Variants in PEX14 observed in about 807,000 individuals in gnomAD.
The protein encoded by PEX14 is peroxisomal biogenesis factor 14.
A neutral mutation model predicts 49.5 loss-of-function variants in PEX14; 15 were observed. The observed-to-expected ratio is 0.30, with a 90% CI of 0.20 to 0.47. PEX14 has a LOEUF of 0.47. PEX14 is among the 20% of genes least tolerant of loss of function. The pLI, the probability that PEX14 is intolerant of heterozygous loss-of-function variation, is 1.00. For synonymous variants in PEX14, 210 were observed against 212.7 expected (o/e 0.99, Z 0.11); for missense variants, 398 against 494.8 (o/e 0.80, Z 1.86).
At chr1:10,493,792 A>G (rs1329718694) in intron 1 of PEX14, among the ~76,000 whole-genome samples, 1 of 152,220 alleles carries the variant, frequency 6.6e-6, no homozygotes, top group Non-Finnish European at 1.5e-5. Context: ...GAGCTGTCTC[A>G]AGATGGCCTT....
intron 3 of PEX14, among the ~76,000 whole-genome samples, chr1:10,549,290 A>G (rs1197761489): frequency 2.0e-5 from 3 of 152,226 alleles, no homozygotes; most frequent in Non-Finnish European, 4.4e-5. Flanking sequence ...TAGTAAACCT[A>G]TGAAGCTAAA....
chr1:10,520,148 C>CTTTTTTTTTTTTTTTG (rs565247030), intron 2 of PEX14, among the ~76,000 whole-genome samples: 1 of 69,190 alleles, frequency 1.4e-5, no homozygotes, highest in African/African-American at 4.2e-5. Context: ...CCTTCTTCTT[C>CTTTTTTTTTTTTTTTG]TTTTTTTTTT....
At chr1:10,486,836 A>C (rs1282740905) in intron 1 of PEX14, among the ~76,000 whole-genome samples, 1 of 151,768 alleles carries the variant, frequency 6.6e-6, no homozygotes, top group Non-Finnish European at 1.5e-5. Flanking sequence ...ACAAGCATCC[A>C]CCGCCATGCT....
intron 1 of PEX14, among the ~76,000 whole-genome samples, chr1:10,490,310 T>C (rs1206931346): frequency 6.6e-6 from 1 of 152,080 alleles, no homozygotes; most frequent in Non-Finnish European, 1.5e-5. Context: ...AGATGCAGGA[T>C]GGGTTCTCCT....
At chr1:10,540,026 G>A (rs1638955187) in intron 3 of PEX14, among the ~76,000 whole-genome samples, 1 of 152,176 alleles carries the variant, frequency 6.6e-6, no homozygotes, top group Non-Finnish European at 1.5e-5. Context: ...TCTAAGTAAA[G>A]GGCTTTTTCC....
intron 3 of PEX14, among the ~76,000 whole-genome samples, chr1:10,578,889 G>T (rs1402388453): frequency 6.6e-6 from 1 of 152,070 alleles, no homozygotes; most frequent in Non-Finnish European, 1.5e-5. Flanking sequence ...GTATGGAGAG[G>T]AAAAATAGCT....
At chr1:10,559,930 A>G (rs866539497) in intron 3 of PEX14, among the ~76,000 whole-genome samples, 6 of 152,108 alleles carry the variant, frequency 3.9e-5, no homozygotes, top group Non-Finnish European at 7.3e-5. Flanking sequence ...TTGCTGCCAG[A>G]TGATAAGATT....
intron 3 of PEX14, among the ~76,000 whole-genome samples, chr1:10,590,979 G>C (rs772216748): frequency 6.6e-6 from 1 of 152,018 alleles, no homozygotes; most frequent in Non-Finnish European, 1.5e-5. Flanking sequence ...GTGTGCCCTA[G>C]TGCACCAAAC....
intron 3 of PEX14, among the ~76,000 whole-genome samples, chr1:10,578,047 A>G (rs1570297125): frequency 1.3e-5 from 2 of 152,066 alleles, no homozygotes; most frequent in African/African-American, 2.4e-5. Flanking sequence ...AAGCTGTGTC[A>G]TATTGGTTTG....
intron 1 of PEX14, among the ~76,000 whole-genome samples, chr1:10,488,263 T>C (rs1349011929): frequency 1.3e-5 from 2 of 151,990 alleles, no homozygotes; most frequent in African/African-American, 4.8e-5. Context: ...TAAAAGCGAT[T>C]CTCCTGCCTC....
chr1:10,587,637 A>T (rs1426064525), intron 3 of PEX14, among the ~76,000 whole-genome samples: 1 of 152,144 alleles, frequency 6.6e-6, no homozygotes, highest in Non-Finnish European at 1.5e-5. Flanking sequence ...TAGTTTACAC[A>T]TGTACAAGTG....
At chr1:10,482,648 G>A (rs1184393503) in intron 1 of PEX14, among the ~76,000 whole-genome samples, 1 of 151,616 alleles carries the variant, frequency 6.6e-6, no homozygotes, top group African/African-American at 2.4e-5. Context: ...TGGCCAGGAT[G>A]GTCTCGATGT....
intron 1 of PEX14, among the ~76,000 whole-genome samples, chr1:10,486,621 A>T (rs557444198): frequency 1.3e-5 from 2 of 151,880 alleles, no homozygotes; most frequent in East Asian, 3.9e-4. Context: ...TTTCCAGCTT[A>T]CAATGAGCTA....
intron 4 of PEX14, among the ~76,000 whole-genome samples, chr1:10,610,077 TTATA>T (rs1459079060): frequency 1.4e-5 from 2 of 148,142 alleles, no homozygotes; most frequent in African/African-American, 4.9e-5. Context: ...CATATATAAT[TTATA>T]TATGCATTTC....
At chr1:10,518,434 G>A (rs921830727) in intron 2 of PEX14, among the ~76,000 whole-genome samples, 6 of 152,254 alleles carry the variant, frequency 3.9e-5, no homozygotes, top group East Asian at 1.9e-4. Flanking sequence ...TATTGAGAGC[G>A]TCATCCCGTT....
At position 10,630,199 on chromosome 1, in the gene PEX14, G is replaced by C. The variant is rs1344557077; in HGVS notation, c.*212G>C. On this transcript the variant is annotated 3_prime_UTR_variant, in exon 9 of 9. Coordinates refer to ENST00000356607, the MANE Select transcript of PEX14 (RefSeq NM_004565.3). This position sits in a 1 kb window ranked among gnomAD's most constrained non-coding sequence, Gnocchi z 4.1. ...CGCCTGGCCGCCAGCCCCAGCCCCA[G>C]CCCCAGCCCCAGGCCCAGCTGCCTT... is the stretch of plus-strand genomic sequence containing the variant. 12 of 718,804 alleles carry C rather than the reference G, an allele frequency of 1.7e-5. No homozygotes were observed. Among genetic ancestry groups the C allele is most frequent in the South Asian group, 1.9e-5 (1 of 51,888 alleles). The allele number at this position is 718,804 out of a possible 1,614,324, so 44.5% of individuals were successfully genotyped here.
intron 3 of PEX14, among the ~76,000 whole-genome samples, chr1:10,588,310 G>T (rs987577192): frequency 2.6e-5 from 4 of 152,086 alleles, no homozygotes; most frequent in African/African-American, 9.7e-5. Flanking sequence ...CCAAGCAGCT[G>T]GGATTATAGG....
chr1:10,530,604 C>T (rs1394145688), intron 2 of PEX14, among the ~76,000 whole-genome samples: 1 of 152,222 alleles, frequency 6.6e-6, no homozygotes, highest in Non-Finnish European at 1.5e-5. Context: ...TCCTCCTTGT[C>T]CTTGCAGAGG....
At chr1:10,563,616 A>T (rs1639715865) in intron 3 of PEX14, among the ~76,000 whole-genome samples, 1 of 137,224 alleles carries the variant, frequency 7.3e-6, no homozygotes, top group Admixed American at 7.6e-5. Flanking sequence ...CAAGAGCGAA[A>T]CTCCGTCTCA....
Sources: allele counts gnomAD v4.1 joint callset (sites outside exome capture counted in the v4.1 genomes callset), GRCh38; gene constraint gnomAD v4.1.1; non-coding constraint Gnocchi (gnomAD v3.1); transcripts MANE v1.5; gene names NCBI Gene and HGNC (gene_info 2026-07-23, HGNC 2026-07-21).